The following KIAA1328 variants were observed in gnomAD, a reference collection of about 807,000 sequenced individuals.
The protein encoded by KIAA1328 is protein hinderin.
A neutral mutation model predicts 68.1 loss-of-function variants in KIAA1328; 52 were observed. The observed-to-expected ratio is 0.76, with a 90% CI of 0.61 to 0.96. KIAA1328 has a LOEUF of 0.96. Ranked by LOEUF, KIAA1328 falls within the 40% of genes least tolerant of loss-of-function variation. KIAA1328 has a pLI of 0.00. For missense variants in KIAA1328, 641 were observed against 677.6 expected (o/e 0.95, Z 0.60); for synonymous variants, 232 against 239.4 (o/e 0.97, Z 0.28).
chr18:37,151,934 G>A (rs185715491), intron 7 of KIAA1328, among the ~76,000 whole-genome samples: 90 of 151,994 alleles, frequency 5.9e-4, no homozygotes, highest in Admixed American at 3.4e-3. Flanking sequence ...ATGAGAAGGA[G>A]GTATCTATGT....
At chr18:36,953,381 GATAGATAGATAGATAGATAGATA>G (rs2051249153) in intron 5 of KIAA1328, among the ~76,000 whole-genome samples, 69 of 45,346 alleles carry the variant, frequency 1.5e-3, no homozygotes, top group African/African-American at 7.5e-3. Context: ...ACTATAGATA[GATAGATAGATAGATAGATAGATA>G]GATAGATAGA....
chr18:37,047,376 C>T (rs1208558000), intron 6 of KIAA1328, among the ~76,000 whole-genome samples: 2 of 152,092 alleles, frequency 1.3e-5, no homozygotes, highest in Non-Finnish European at 2.9e-5. Context: ...TGGCCATCTA[C>T]TATATTAGAT....
chr18:36,933,811 G>T (rs72887101), intron 5 of KIAA1328, among the ~76,000 whole-genome samples: 20,708 of 152,254 alleles, frequency 0.14, 1,754 homozygotes, highest in Admixed American at 0.18. Context: ...CCTTGAGAGG[G>T]CTGTCAGTCA....
chr18:36,962,584 C>G (rs186235440), intron 6 of KIAA1328, among the ~76,000 whole-genome samples: 3 of 152,170 alleles, frequency 2.0e-5, no homozygotes, highest in Admixed American at 2.0e-4. Context: ...AAGCACTCCT[C>G]AGCAAATGTA....
At chr18:37,189,797 T>C (rs759400432) in intron 9 of KIAA1328, among the ~76,000 whole-genome samples, 1 of 152,254 alleles carries the variant, frequency 6.6e-6, no homozygotes, top group Non-Finnish European at 1.5e-5. Context: ...AGTGATTTGT[T>C]AGCAATCACT....
At chr18:37,068,846 A>G (rs2056432451) in intron 7 of KIAA1328, among the ~76,000 whole-genome samples, 2 of 151,652 alleles carry the variant, frequency 1.3e-5, no homozygotes, top group Non-Finnish European at 2.9e-5. Flanking sequence ...GCTGGTCTTG[A>G]ACTTAAATAA....
At chr18:36,858,207 GTTA>G (rs1353701218) in intron 4 of KIAA1328, among the ~76,000 whole-genome samples, 1 of 151,996 alleles carries the variant, frequency 6.6e-6, no homozygotes, top group Non-Finnish European at 1.5e-5. Context: ...CACTTTTACA[GTTA>G]TTATATTTTC....
intron 6 of KIAA1328, among the ~76,000 whole-genome samples, chr18:37,023,936 T>A (rs2054451850): frequency 6.6e-6 from 1 of 152,138 alleles, no homozygotes; most frequent in Non-Finnish European, 1.5e-5. Context: ...CAACAGATAG[T>A]TTTTCAATCT....
At chr18:37,174,021 G>A (rs1568495199) in intron 9 of KIAA1328, among the ~76,000 whole-genome samples, 1 of 152,042 alleles carries the variant, frequency 6.6e-6, no homozygotes, top group Non-Finnish European at 1.5e-5. Context: ...AAGAACTTTT[G>A]AGAAATGACT....
intron 5 of KIAA1328, among the ~76,000 whole-genome samples, chr18:36,920,674 T>C (rs1348124579): frequency 6.6e-6 from 1 of 152,206 alleles, no homozygotes; most frequent in East Asian, 1.9e-4. Context: ...AAATATCTTG[T>C]GTATTACATA....
chr18:36,834,403 A>G, intron 2 of KIAA1328, 48 bp downstream of exon 2: 2 of 1,464,350 alleles, frequency 1.4e-6, no homozygotes, highest in Admixed American at 2.2e-5. Flanking sequence ...TGGTCCTTAA[A>G]TGTTAGAAGA....
At chr18:37,031,979 C>T (rs981095158) in intron 6 of KIAA1328, among the ~76,000 whole-genome samples, 1 of 151,980 alleles carries the variant, frequency 6.6e-6, no homozygotes. Flanking sequence ...CCAGCCTGGG[C>T]AACATGGTGA....
rs191549368 is a variant in KIAA1328, at chr18:37,086,582, G to A, written c.1232+19037G>A. On this transcript the variant is annotated intron_variant, in intron 7 of 9. Transcript: ENST00000280020. The stretch of plus-strand genomic sequence containing the variant: ...ACCCTTTCATCTTACTAAAACATGC[G>A]CTGCAGTAGCTTACTGTAGGAGTGC... Among the ~76,000 whole-genome samples, 276 of 152,128 alleles carry A rather than the reference G, an allele frequency of 1.8e-3. 1 individual carries two copies. The highest frequency in any genetic ancestry group is 6.2e-3 in the African/African-American group (257 of 41,512).
chr18:37,149,094 C>T (rs1259590261), intron 7 of KIAA1328, among the ~76,000 whole-genome samples: 3 of 152,090 alleles, frequency 2.0e-5, no homozygotes, highest in Non-Finnish European at 2.9e-5. Context: ...TCATATGGAA[C>T]CAAAAAGAGC....
chr18:36,956,932 C>T (rs1240301714), intron 5 of KIAA1328, among the ~76,000 whole-genome samples: 1 of 152,128 alleles, frequency 6.6e-6, no homozygotes, highest in East Asian at 1.9e-4. Context: ...CTCTGAAAAC[C>T]TATTTAGACT....
intron 7 of KIAA1328, among the ~76,000 whole-genome samples, chr18:37,097,508 G>A (rs1471555701): frequency 6.6e-6 from 1 of 152,188 alleles, no homozygotes; most frequent in Non-Finnish European, 1.5e-5. Flanking sequence ...CAGGCAGCAC[G>A]ATGCCTCCAG....
At chr18:37,162,378 G>A (rs971945050) in intron 8 of KIAA1328, among the ~76,000 whole-genome samples, 1 of 151,902 alleles carries the variant, frequency 6.6e-6, no homozygotes, top group East Asian at 1.9e-4. Flanking sequence ...GAAAAAGACC[G>A]CCTTGTATTT....
chr18:36,951,124 C>T (rs1006742880), intron 5 of KIAA1328, among the ~76,000 whole-genome samples: 3 of 152,186 alleles, frequency 2.0e-5, no homozygotes, highest in African/African-American at 7.2e-5. Flanking sequence ...CTTCTCGTCT[C>T]ACAGTTGGAA....
intron 7 of KIAA1328, among the ~76,000 whole-genome samples, chr18:37,102,123 A>C (rs1042309265): frequency 9.2e-5 from 14 of 152,200 alleles, no homozygotes; most frequent in African/African-American, 3.4e-4. Flanking sequence ...CTAGCAAAAC[A>C]AAACCAATAG....
Sources: allele counts gnomAD v4.1 joint callset (sites outside exome capture counted in the v4.1 genomes callset), GRCh38; gene constraint gnomAD v4.1.1; transcripts MANE v1.5; gene names NCBI Gene and HGNC (gene_info 2026-07-23, HGNC 2026-07-21).